The following FHIT variants were observed in gnomAD, a reference collection of about 807,000 sequenced individuals.
FHIT encodes the protein fragile histidine triad diadenosine triphosphatase, also known as bis(5'-adenosyl)-triphosphatase.
FHIT carries 19 observed loss-of-function variants against 17.9 expected under a neutral mutation model. That is an observed-to-expected ratio of 1.06 (90% CI 0.74 to 1.56). The LOEUF is 1.56. FHIT is among the 40% of genes most tolerant of loss of function. The probability of loss-of-function intolerance (pLI) is 0.00; values close to 1 mark genes in which losing one functional copy is unlikely to be tolerated. For missense variants in FHIT, 248 were observed against 189.2 expected (o/e 1.31, Z -1.82); for synonymous variants, 81 against 69.7 (o/e 1.16, Z -0.81).
intron 5 of FHIT, among the ~76,000 whole-genome samples, chr3:60,249,270 G>A (rs1307216127): frequency 6.6e-6 from 1 of 152,030 alleles, no homozygotes; most frequent in African/African-American, 2.4e-5. Flanking sequence ...ACAAAAGTTG[G>A]GGGAATGAAC....
intron 5 of FHIT, among the ~76,000 whole-genome samples, chr3:60,075,595 G>A (rs984935472): frequency 1.3e-5 from 2 of 152,082 alleles, no homozygotes; most frequent in African/African-American, 2.4e-5. Context: ...CAACTTCTCA[G>A]TAACTTTAAT....
At chr3:61,142,114 T>TA (rs71629119) in intron 2 of FHIT, among the ~76,000 whole-genome samples, 3 of 150,554 alleles carry the variant, frequency 2.0e-5, no homozygotes, top group East Asian at 1.9e-4. Flanking sequence ...TGCTTTCTCT[T>TA]AAAAAAAATT....
At position 59,752,546 on chromosome 3, in the gene FHIT, G is replaced by C. The variant is rs977051940; in HGVS notation, c.349-225C>G. Among the ~76,000 whole-genome samples the C allele has an allele frequency of 7.2e-5, 11 of 152,218 alleles. 1 individual carries two copies. In the East Asian group the frequency reaches 1.9e-3, roughly 27 times the overall value. ...TCTTGTAATCATCTACTGAGGCTGAGGGGGGTGATGATATGATATAGGTCT... is the reference window on the plus strand; with the variant it reads ...TCTTGTAATCATCTACTGAGGCTGACGGGGGTGATGATATGATATAGGTCT... On this transcript the variant is annotated intron_variant, in intron 8 of 9. Transcript: ENST00000492590.
chr3:60,866,244 T>A (rs1464626010), intron 3 of FHIT, among the ~76,000 whole-genome samples: 1 of 152,232 alleles, frequency 6.6e-6, no homozygotes, highest in Non-Finnish European at 1.5e-5. Context: ...CCTCTTGGTA[T>A]TCACACTTGT....
chr3:60,392,321 C>G (rs1411635400), intron 5 of FHIT, among the ~76,000 whole-genome samples: 2 of 152,152 alleles, frequency 1.3e-5, no homozygotes, highest in Non-Finnish European at 2.9e-5. Context: ...TGATGCTTTA[C>G]AAGAAGCTTA....
intron 3 of FHIT, among the ~76,000 whole-genome samples, chr3:60,934,250 T>C (rs536760665): frequency 5.7e-4 from 86 of 152,000 alleles, no homozygotes; most frequent in Non-Finnish European, 9.9e-4. Context: ...GGCGAATGTG[T>C]CAATTCTGAT....
At chr3:60,988,693 G>A (rs2029884907) in intron 3 of FHIT, among the ~76,000 whole-genome samples, 1 of 152,126 alleles carries the variant, frequency 6.6e-6, no homozygotes, top group African/African-American at 2.4e-5. Context: ...GCCTGTTCAA[G>A]ACTGTTCAGC....
chr3:60,873,158 A>AGAGT lies in FHIT; in HGVS notation c.-110-51151_-110-51148dup, dbSNP rs1704488665. Among the ~76,000 whole-genome samples the AGAGT allele has an allele frequency of 2.6e-5, 4 of 151,212 alleles. 1 individual carries two copies. Among genetic ancestry groups the AGAGT allele is most frequent in the Admixed American group, 2.6e-4 (4 of 15,190 alleles). On this transcript the variant is annotated intron_variant, in intron 3 of 9. Transcript: ENST00000492590. ...GAGAGGGAGAGAGAGAGAGAGAGAG[A>AGAGT]GAGTGAGAGATCACACTACCAGGAG...
intron 5 of FHIT, among the ~76,000 whole-genome samples, chr3:60,420,857 T>C (rs931308450): frequency 4.6e-5 from 7 of 152,172 alleles, no homozygotes; most frequent in Non-Finnish European, 1.0e-4. Context: ...GGAAAATACA[T>C]GCTTTCATAC....
chr3:60,538,814 G>A (rs1156724174), intron 4 of FHIT, among the ~76,000 whole-genome samples: 1 of 152,136 alleles, frequency 6.6e-6, no homozygotes, highest in Non-Finnish European at 1.5e-5. Context: ...AGACTTAAAT[G>A]TTAGACCAAA....
chr3:60,650,504 G>A (rs1329170778), intron 4 of FHIT, among the ~76,000 whole-genome samples: 3 of 152,100 alleles, frequency 2.0e-5, no homozygotes, highest in Non-Finnish European at 4.4e-5. Context: ...TCCCCCTTCT[G>A]GACAATCTGA....
intron 5 of FHIT, among the ~76,000 whole-genome samples, chr3:60,029,871 T>C (rs1018653317): frequency 3.1e-5 from 2 of 63,834 alleles, no homozygotes; most frequent in Non-Finnish European, 6.8e-5. Context: ...GATGTCCTCA[T>C]AGAAGCATTG....
At chr3:60,515,497 C>T (rs1377343113) in intron 5 of FHIT, among the ~76,000 whole-genome samples, 1 of 151,202 alleles carries the variant, frequency 6.6e-6, no homozygotes, top group Non-Finnish European at 1.5e-5. Context: ...ACTAACCACA[C>T]AATTAAGATC....
chr3:59,864,676 G>A (rs890739099), intron 8 of FHIT, among the ~76,000 whole-genome samples: 2 of 151,530 alleles, frequency 1.3e-5, no homozygotes, highest in Non-Finnish European at 2.9e-5. Flanking sequence ...ATGAACTGGT[G>A]TTCATGTCAT....
intron 5 of FHIT, among the ~76,000 whole-genome samples, chr3:60,430,560 C>T (rs901964117): frequency 2.0e-5 from 3 of 152,044 alleles, no homozygotes; most frequent in Non-Finnish European, 1.5e-5. Context: ...TTACAAATCA[C>T]ATTAGCTAAA....
At chr3:59,943,665 A>G (rs72875132) in intron 7 of FHIT, among the ~76,000 whole-genome samples, 9,811 of 152,262 alleles carry the variant, frequency 0.064, 571 homozygotes, top group African/African-American at 0.15. Context: ...TACCAAGAAC[A>G]GCCTTGGAGT....
intron 2 of FHIT, among the ~76,000 whole-genome samples, chr3:61,132,270 G>C (rs1414270642): frequency 6.6e-6 from 1 of 152,206 alleles, no homozygotes; most frequent in African/African-American, 2.4e-5. Context: ...CCCTACATGA[G>C]ATCACCAGTT....
intron 3 of FHIT, among the ~76,000 whole-genome samples, chr3:61,014,807 A>AATATATATATATATATATAT (rs1553798840): frequency 2.0e-5 from 1 of 49,100 alleles, no homozygotes; most frequent in Non-Finnish European, 4.6e-5. Context: ...AAAAAAAAAA[A>AATATATATATATATATATAT]ATATATATAT....
intron 5 of FHIT, among the ~76,000 whole-genome samples, chr3:60,478,135 C>T (rs968813674): frequency 2.0e-5 from 3 of 152,124 alleles, no homozygotes; most frequent in African/African-American, 7.2e-5. Context: ...ACTGGATAAG[C>T]GCCCTATTTC....
Sources: gnomAD v4.1 joint callset for allele counts (sites outside exome capture counted in the v4.1 genomes callset) on GRCh38, gnomAD v4.1.1 for gene constraint, MANE v1.5 for transcripts, NCBI Gene and HGNC (gene_info 2026-07-23, HGNC 2026-07-21) for gene names.